CDK14: variants seen among roughly 807,000 people sequenced by gnomAD.
CDK14 encodes cyclin dependent kinase 14.
In CDK14, 34 loss-of-function variants were observed where a neutral mutation model predicts 60.7. The observed-to-expected ratio is 0.56, with a 90% CI of 0.43 to 0.75. The LOEUF is 0.75. Ranked by LOEUF, CDK14 falls within the 30% of genes least tolerant of loss-of-function variation. The pLI is 0.00. For synonymous variants in CDK14, 197 were observed against 203.7 expected, an observed-to-expected ratio of 0.97 and a Z score of 0.28; for missense variants, 482 against 564.1, an observed-to-expected ratio of 0.85 and a Z score of 1.47.
chr7:90,686,955 T>G (rs1166026437), intron 2 of CDK14, among the ~76,000 whole-genome samples: 1 of 152,148 alleles, frequency 6.6e-6, no homozygotes, highest in African/African-American at 2.4e-5. Flanking sequence ...GCAAATTGTT[T>G]GTGAACTAAA....
chr7:91,056,405 A>C (rs948876328), intron 11 of CDK14, among the ~76,000 whole-genome samples: 12 of 152,062 alleles, frequency 7.9e-5, no homozygotes, highest in African/African-American at 2.9e-4. Flanking sequence ...CAGCATGTGA[A>C]AATTCTTTTT....
chr7:91,187,075 C>T (rs1274496360), intron 14 of CDK14, among the ~76,000 whole-genome samples: 2 of 152,216 alleles, frequency 1.3e-5, no homozygotes, highest in Non-Finnish European at 2.9e-5. Context: ...CATATCATCA[C>T]ATTTCTTTTA....
At chr7:90,985,358 T>C (rs928865599) in intron 10 of CDK14, among the ~76,000 whole-genome samples, 4 of 152,188 alleles carry the variant, frequency 2.6e-5, no homozygotes, top group Non-Finnish European at 5.9e-5. Flanking sequence ...ACCTTCTTCA[T>C]AGGTGGCTTT....
intron 1 of CDK14, among the ~76,000 whole-genome samples, chr7:90,599,888 TGTCTG>T (rs1159303096): frequency 6.6e-6 from 1 of 152,264 alleles, no homozygotes; most frequent in Non-Finnish European, 1.5e-5. Flanking sequence ...AAGTATCTGA[TGTCTG>T]GTCAGTGTTT....
intron 5 of CDK14, among the ~76,000 whole-genome samples, chr7:90,850,447 G>C (rs1321498539): frequency 6.6e-6 from 1 of 152,158 alleles, no homozygotes; most frequent in African/African-American, 2.4e-5. Flanking sequence ...TAGGTCATCA[G>C]GTTATTATAA....
At chr7:91,108,221 C>A (rs561632196) in intron 12 of CDK14, among the ~76,000 whole-genome samples, 42 of 152,274 alleles carry the variant, frequency 2.8e-4, no homozygotes, top group African/African-American at 1.0e-3. Context: ...GCGTGAGAAT[C>A]GCTTGAACCT....
At chr7:90,604,342 A>T (rs185080838) in intron 2 of CDK14, 93 bp downstream of exon 2, 2 of 643,416 alleles carry the variant, frequency 3.1e-6, no homozygotes, top group South Asian at 2.3e-5. Flanking sequence ...AACAAAAAAA[A>T]TGCCTTTAAA....
intron 2 of CDK14, chr7:90,692,642 C>T (rs985313311): frequency 2.1e-6 from 2 of 970,294 alleles, no homozygotes; most frequent in Non-Finnish European, 1.2e-6. Context: ...ACTATGCTGG[C>T]GGGCCATGAT....
At chr7:90,729,187 G>A (rs145091383) in intron 3 of CDK14, among the ~76,000 whole-genome samples, 108 of 151,610 alleles carry the variant, frequency 7.1e-4, no homozygotes, top group African/African-American at 2.4e-3. Context: ...AGGGAGACTG[G>A]GGCAAAGACC....
At chr7:90,936,146 C>T (rs1007104637) in intron 8 of CDK14, among the ~76,000 whole-genome samples, 3 of 151,832 alleles carry the variant, frequency 2.0e-5, no homozygotes, top group East Asian at 1.9e-4. Flanking sequence ...TATGTACTTA[C>T]GTAACAATAT....
intron 11 of CDK14, among the ~76,000 whole-genome samples, chr7:91,061,611 T>TTCTAACAG (rs1276402096): frequency 6.6e-6 from 1 of 152,234 alleles, no homozygotes; most frequent in African/African-American, 2.4e-5. Context: ...TTAGTTTTCC[T>TTCTAACAG]TCTAACAGTC....
chr7:91,030,732 C>G (rs766964956), intron 10 of CDK14, among the ~76,000 whole-genome samples: 1 of 152,202 alleles, frequency 6.6e-6, no homozygotes, highest in Non-Finnish European at 1.5e-5. Flanking sequence ...AAACTATTCA[C>G]TTTTTGACCA....
intron 2 of CDK14, among the ~76,000 whole-genome samples, chr7:90,658,961 A>G (rs906205059): frequency 3.3e-5 from 5 of 152,230 alleles, no homozygotes; most frequent in East Asian, 1.9e-4. Context: ...ACAATGGAGT[A>G]TAGATTCAGG....
At chr7:90,696,340 T>TCTTC (rs1297040160) in intron 2 of CDK14, among the ~76,000 whole-genome samples, 20,290 of 140,748 alleles carry the variant, frequency 0.14, 1,518 homozygotes, top group Non-Finnish European at 0.17. Context: ...CTTCTTCTTT[T>TCTTC]TTTTTTTTTT....
At chr7:90,911,562 A>G (rs917127007) in intron 7 of CDK14, among the ~76,000 whole-genome samples, 1 of 152,184 alleles carries the variant, frequency 6.6e-6, no homozygotes, top group Non-Finnish European at 1.5e-5. Flanking sequence ...TCTACAAGAT[A>G]TTCACCACGC....
intron 2 of CDK14, among the ~76,000 whole-genome samples, chr7:90,668,847 C>A (rs1350174218): frequency 6.6e-6 from 1 of 150,956 alleles, no homozygotes. Context: ...TAGCTAGGAC[C>A]ACAGATGCGT....
chr7:90,671,560 A>G (rs1467859644), intron 2 of CDK14, among the ~76,000 whole-genome samples: 1 of 152,136 alleles, frequency 6.6e-6, no homozygotes, highest in Admixed American at 6.5e-5. Context: ...GGCAGTCGAG[A>G]TGGCTTGTCT....
At chr7:91,036,331 G>A (rs903204536) in intron 10 of CDK14, among the ~76,000 whole-genome samples, 21 of 152,274 alleles carry the variant, frequency 1.4e-4, no homozygotes, top group South Asian at 6.2e-4. Context: ...CCTTCCCAAC[G>A]TGGCTGCTTG....
chr7:90,802,843 A>G (rs1253411385), intron 5 of CDK14, among the ~76,000 whole-genome samples: 1 of 152,228 alleles, frequency 6.6e-6, no homozygotes, highest in African/African-American at 2.4e-5. Context: ...ATCTCCCAAA[A>G]GGAGATCAAG....
Sources: gnomAD v4.1 joint callset for allele counts (sites outside exome capture counted in the v4.1 genomes callset) on GRCh38, gnomAD v4.1.1 for gene constraint, MANE v1.5 for transcripts, NCBI Gene and HGNC (gene_info 2026-07-23, HGNC 2026-07-21) for gene names.